PAICS: variants seen among roughly 807,000 people sequenced by gnomAD.
The protein encoded by PAICS is phosphoribosylaminoimidazole carboxylase and phosphoribosylaminoimidazolesuccinocarboxamide synthase.
Under a neutral mutation model 53.7 loss-of-function variants are expected in PAICS, and 33 were observed. That is an observed-to-expected ratio of 0.61 (90% CI 0.47 to 0.82). PAICS has a LOEUF of 0.82. Among genes scored for constraint, PAICS ranks in the 40% least tolerant of loss-of-function variants. The probability of loss-of-function intolerance (pLI) is 0.00; values close to 1 mark genes in which losing one functional copy is unlikely to be tolerated. For synonymous variants in PAICS, 141 were observed against 167.2 expected (o/e 0.84, Z 1.21); for missense variants, 394 against 494.1 (o/e 0.80, Z 1.92).
At chr4:56,436,396 G>C in intron 1 of PAICS, 68 bp downstream of exon 1, 1 of 1,245,254 alleles carries the variant, frequency 8.0e-7, no homozygotes, top group East Asian at 2.5e-5. Flanking sequence ...GCGGCCACGT[G>C]CGAGCCGCGA....
intron 2 of PAICS, among the ~76,000 whole-genome samples, chr4:56,442,371 C>T (rs971950747): frequency 6.6e-6 from 1 of 152,184 alleles, no homozygotes; most frequent in Non-Finnish European, 1.5e-5. Flanking sequence ...ACTAAAACCC[C>T]AGAGCGCCCT....
At chr4:56,435,285 G>A (rs948127213), upstream of PAICS, 2 of 1,602,148 alleles carry the variant, frequency 1.2e-6, no homozygotes, top group African/African-American at 1.3e-5. Context: ...TGAGAACGCC[G>A]ACTGCGGGAA....
the PAICS span, among the ~76,000 whole-genome samples, chr4:56,416,659 C>A: frequency 6.6e-6 from 1 of 152,150 alleles, no homozygotes; most frequent in Non-Finnish European, 1.5e-5. Context: ...AATTTCCGAA[C>A]TTTACTCTTT....
At chr4:56,450,529 T>C (rs1472117585) in intron 5 of PAICS, 90 bp from the exon 6 acceptor site, 1 of 694,782 alleles carries the variant, frequency 1.4e-6, no homozygotes, top group Admixed American at 2.5e-5. Context: ...CTATACAAAC[T>C]CTTCATAATC....
chr4:56,417,384 T>A, the PAICS span, among the ~76,000 whole-genome samples: 3 of 152,104 alleles, frequency 2.0e-5, no homozygotes, highest in African/African-American at 4.8e-5. Flanking sequence ...TTTAATGACT[T>A]AAAACTCATG....
chr4:56,413,935 C>T, the PAICS span, among the ~76,000 whole-genome samples: 1 of 152,022 alleles, frequency 6.6e-6, no homozygotes, highest in African/African-American at 2.4e-5. Flanking sequence ...ACGACTTAGG[C>T]TAATTTAAGA....
At chr4:56,442,004 A>G (rs1268282449) in intron 2 of PAICS, 144 bp downstream of exon 2, 1 of 597,044 alleles carries the variant, frequency 1.7e-6, no homozygotes, top group Non-Finnish European at 3.0e-6. Context: ...AAGAACCCTT[A>G]AACTTCACTA....
Position 56,455,071 on chromosome 4 carries a change from C to T in PAICS, c.1111+1310C>T, listed in dbSNP as rs907544080. 3.9e-5 allele frequency among the ~76,000 whole-genome samples: 6 copies of T among 152,084 alleles called. No individual in the cohort carries two copies. The South Asian group carries it at 6.2e-4, about 16-fold the overall frequency. On this transcript the variant is annotated intron_variant, in intron 8 of 8. Coordinates refer to ENST00000512576, the MANE Select transcript of PAICS (RefSeq NM_001079524.2). ...TACTCAGAGGCTGAGGTAGGAGAAT[C>T]GCTTGAACCTGGGAGGCAGAGGTGA... is the stretch of plus-strand genomic sequence containing the variant.
At chr4:56,436,030 CT>C, upstream of PAICS, 1 of 1,525,144 alleles carries the variant, frequency 6.6e-7, no homozygotes, top group Non-Finnish European at 8.8e-7. Flanking sequence ...CACTTTTCGC[CT>C]GTCCGGGCAC....
chr4:56,412,492 G>T, the PAICS span, among the ~76,000 whole-genome samples: 2 of 152,096 alleles, frequency 1.3e-5, no homozygotes, highest in South Asian at 4.2e-4. Context: ...TGTGGGATGG[G>T]TTTCCCACCA....
Position 56,446,588 on chromosome 4 carries a change from A to G in PAICS, c.215-107A>G, listed in dbSNP as rs1475159147. On this transcript the variant is annotated intron_variant, in intron 2 of 8. Coordinates refer to ENST00000512576, the MANE Select transcript of PAICS (RefSeq NM_001079524.2). ...AAGAGAAAAATTACACTTATTTTTG[A>G]TAGAGGTTCTTTGTTGCTTGTAAAG... 8.8e-6 allele frequency: 6 copies of G among 679,126 alleles called. No individual in the cohort carries two copies. The South Asian group carries it at 1.2e-4, about 14-fold the overall frequency. 42.1% of individuals were successfully genotyped at this position (679,126 alleles called of 1,614,324 possible). A position where few individuals can be genotyped will look rare whatever the true frequency, so the allele number is the denominator to read the frequency against.
At chr4:56,448,845 T>C in intron 5 of PAICS, 22 bp downstream of exon 5, 1 of 1,277,892 alleles carries the variant, frequency 7.8e-7, no homozygotes, top group African/African-American at 1.5e-5. Context: ...TTCAGGTTTT[T>C]TTATCCTTTT....
At position 56,453,718 on chromosome 4, in the gene PAICS, C is replaced by A; in HGVS notation, c.1068C>A (p.Asp356Glu). The part of the protein sequence containing the change: ...PVISCPPLTP[D>E]WGVQDVWSSL... ...TCAGCTGTCCTCCCCTCACACCAGA[C>A]TGGGGAGTTCAGGATGTGTGGTCTT... is the stretch of plus-strand genomic sequence containing the variant. The change falls in exon 8 of 9, where the codon GAC (aspartate) becomes GAA (glutamate). Residue 356 changes from aspartate to glutamate, a missense_variant. Transcript: ENST00000512576. 6.4e-7 allele frequency: 1 copy of A among 1,552,220 alleles called. No homozygotes were observed. Among genetic ancestry groups the A allele is most frequent in the Non-Finnish European group, 8.7e-7 (1 of 1,146,290 alleles).
At chr4:56,430,912 G>A (rs1717550336), upstream of PAICS, among the ~76,000 whole-genome samples, 1 of 151,916 alleles carries the variant, frequency 6.6e-6, no homozygotes, top group Non-Finnish European at 1.5e-5. Flanking sequence ...TCCCAATATT[G>A]ACCAGAATGA....
chr4:56,435,668 C>G (rs982206417), upstream of PAICS: 32 of 1,440,012 alleles, frequency 2.2e-5, no homozygotes, highest in Non-Finnish European at 2.9e-5. Context: ...CCTGCTCCTC[C>G]CCCTCCGAGT....
intron 8 of PAICS, among the ~76,000 whole-genome samples, chr4:56,455,763 C>G (rs1015689861): frequency 7.9e-5 from 12 of 152,166 alleles, no homozygotes; most frequent in African/African-American, 2.9e-4. Context: ...TTCCACCAGT[C>G]TGATTCTAGG....
At chr4:56,431,486 G>A (rs1273491026), upstream of PAICS, 10 of 976,794 alleles carry the variant, frequency 1.0e-5, no homozygotes, top group Non-Finnish European at 1.2e-5. Context: ...TCCTCAAAGC[G>A]TAATAACAGA....
chr4:56,410,911 A>G, the PAICS span: 13 of 950,362 alleles, frequency 1.4e-5, no homozygotes, highest in Non-Finnish European at 1.6e-5. Flanking sequence ...AAAAAAAAAA[A>G]AAAAAAAAAA....
At chr4:56,449,900 G>A (rs4362880) in intron 5 of PAICS, among the ~76,000 whole-genome samples, 2,418 of 151,556 alleles carry the variant, frequency 0.016, 39 homozygotes, top group Non-Finnish European at 0.023. Flanking sequence ...GTTTGAACCC[G>A]GGAGGTGGAG....
Sources: allele counts gnomAD v4.1 joint callset (sites outside exome capture counted in the v4.1 genomes callset), GRCh38; gene constraint gnomAD v4.1.1; transcripts MANE v1.5; gene names NCBI Gene and HGNC (gene_info 2026-07-23, HGNC 2026-07-21).